IZUMO1: variants seen among roughly 807,000 people sequenced by gnomAD.
The protein encoded by IZUMO1 is izumo sperm-egg fusion protein 1.
A neutral mutation model predicts 40.7 loss-of-function variants in IZUMO1; 44 were observed. That is an observed-to-expected ratio of 1.08 (90% CI 0.85 to 1.39). The LOEUF is 1.39. IZUMO1 is among the 40% of genes most tolerant of loss of function. IZUMO1 has a pLI of 0.00. For synonymous variants in IZUMO1, 149 were observed against 170.9 expected (o/e 0.87, Z 1.00); for missense variants, 368 against 436.9 (o/e 0.84, Z 1.41).
At position 48,745,743 on chromosome 19, in the gene IZUMO1, A is replaced by T. The variant is rs777596270; in HGVS notation, c.117T>A (p.Asp39Glu). The change falls in exon 2 of 10, where the codon GAT becomes GAA. Residue 39 changes from aspartate to glutamate, a missense_variant. Transcript: ENST00000332955. Reference protein sequence around the residue: ...VVLALKSLEKDYLPGHLDAKH... With the variant: ...VVLALKSLEKEYLPGHLDAKH... ...TCGCATCCAGGTGGCCAGGCAGGTA[A>T]TCTTTCTCCAGGGACTTTAGCGCCA... is the stretch of plus-strand genomic sequence containing the variant. 1 of 1,614,144 alleles carries T rather than the reference A, an allele frequency of 6.2e-7. No homozygotes were observed. Among genetic ancestry groups the T allele is most frequent in the African/African-American group, 1.3e-5 (1 of 75,028 alleles).
chr19:48,741,525 C>T lies in IZUMO1; in HGVS notation c.755-47G>A. On this transcript the variant is annotated intron_variant, in intron 8 of 9. Transcript: ENST00000332955. This position sits in a 1 kb window ranked among gnomAD's most constrained non-coding sequence, Gnocchi z 4.4. Reference sequence around the variant, plus strand: ...GCAGTCCTGGCAGGGCGTGGAGTTCCTGCCCTGGCAAAGACAAGCCCGTCC... The same window carrying T: ...GCAGTCCTGGCAGGGCGTGGAGTTCTTGCCCTGGCAAAGACAAGCCCGTCC... 2 of 1,562,194 alleles carry T rather than the reference C, an allele frequency of 1.3e-6. No homozygotes were observed. Among genetic ancestry groups the T allele is most frequent in the Non-Finnish European group, 1.7e-6 (2 of 1,143,102 alleles).
chr19:48,746,422 C>G lies in IZUMO1; in HGVS notation c.-74+13G>C, dbSNP rs1298819416. ...TATCAAACTCGGAACTCCTTCAAAA[C>G]CAAAACACATACCAGATTCCTAGAA... On this transcript the variant is annotated intron_variant, in intron 1 of 9. Transcript: ENST00000332955. 8.1e-6 allele frequency: 8 copies of G among 991,948 alleles called. No homozygotes were observed. The highest frequency in any genetic ancestry group is 9.6e-6 in the Non-Finnish European group (8 of 833,424). The allele number at this position is 991,948 out of a possible 1,614,324, so 61.4% of individuals were successfully genotyped here. A position where few individuals can be genotyped will look rare whatever the true frequency, so the allele number is the denominator to read the frequency against.
rs2033674083 is a variant in IZUMO1 at position 48,741,146 on chromosome 19, C to T, written c.933-118G>A. 6.7e-7 allele frequency: 1 copy of T among 1,500,854 alleles called. No individual in the cohort carries two copies. The highest frequency in any genetic ancestry group is 1.4e-5 in the African/African-American group (1 of 72,566). The allele number at this position is 1,500,854 out of a possible 1,614,324, so 93.0% of individuals were successfully genotyped here. ...TTCTAGCAATTACCTAAGCCTCGCC[C>T]TTCGAAGTCCTCCTATTCAAGCCCC... On this transcript the variant is annotated intron_variant, in intron 9 of 9. Coordinates refer to ENST00000332955, the MANE Select transcript of IZUMO1 (RefSeq NM_182575.3). The surrounding 1 kb of genome is among the most constrained non-coding windows in gnomAD (Gnocchi z 4.4).
chr19:48,745,509 T>C, intron 2 of IZUMO1, 116 bp downstream of exon 2: 2 of 1,295,330 alleles, frequency 1.5e-6, no homozygotes, highest in Non-Finnish European at 2.2e-6. Context: ...GGAATCTGCA[T>C]CTCAGCCTTC....
chr19:48,742,725 CTTTTTTTTT>C (rs34894807), intron 6 of IZUMO1, among the ~76,000 whole-genome samples: 168 of 93,484 alleles, frequency 1.8e-3, no homozygotes, highest in African/African-American at 6.0e-3. Context: ...TTCTCTCTCT[CTTTTTTTTT>C]TTTTTTTTTT....
At chr19:48,745,323 T>C in intron 2 of IZUMO1, 35 bp from the exon 3 acceptor site, 1 of 1,568,828 alleles carries the variant, frequency 6.4e-7, no homozygotes, top group Non-Finnish European at 8.8e-7. Flanking sequence ...ATTCCAGCCT[T>C]ACTGTCTCAT....
chr19:48,743,815 A>AC (rs1195341419), intron 5 of IZUMO1: 6 of 491,938 alleles, frequency 1.2e-5, no homozygotes, highest in East Asian at 7.6e-5. Context: ...ACATGGTGAA[A>AC]CCCCGTCTCT....
intron 3 of IZUMO1, among the ~76,000 whole-genome samples, chr19:48,744,848 A>G (rs535635785): frequency 6.6e-6 from 1 of 152,156 alleles, no homozygotes; most frequent in South Asian, 2.1e-4. Flanking sequence ...CACCATGCCC[A>G]GCTAATATGT....
intron 2 of IZUMO1, 105 bp from the exon 3 acceptor site, chr19:48,745,393 G>A (rs756828052): frequency 2.7e-6 from 3 of 1,127,112 alleles, no homozygotes; most frequent in South Asian, 1.3e-5. Flanking sequence ...AGATAGGCCT[G>A]GTTAAGGACT....
At position 48,744,209 on chromosome 19, in the gene IZUMO1, G is replaced by C. The variant is rs763408499; in HGVS notation, c.398-14C>G. The stretch of plus-strand genomic sequence containing the variant: ...TGGGACAATAAGCTGTGTCAAAAGA[G>C]AAAAAAAGAGAGCAAGAAAGAGATG... On this transcript the variant is annotated splice_polypyrimidine_tract_variant and intron_variant, in intron 4 of 9. Coordinates refer to ENST00000332955, the MANE Select transcript of IZUMO1 (RefSeq NM_182575.3). 8.1e-6 allele frequency: 13 copies of C among 1,611,338 alleles called. No homozygotes were observed. The Admixed American group carries it at 2.2e-4, about 27-fold the overall frequency.
At position 48,742,307 on chromosome 19, in the gene IZUMO1, G is replaced by T; in HGVS notation, c.502C>A (p.Arg168=). Residue 168 remains arginine, a splice_region_variant and synonymous_variant, in exon 7 of 10, where the codon CGG becomes AGG. Transcript: ENST00000332955. ...ACRKSYDCGE[R]NVEVPQMEDM... ...TCCATTTGAGGAACTTCCACATTCC[G>T]CTCTGGGGGTGGGGGATGACCATGG... 1.9e-6 allele frequency: 3 copies of T among 1,609,190 alleles called. No homozygotes were observed. Among genetic ancestry groups the T allele is most frequent in the Non-Finnish European group, 2.6e-6 (3 of 1,175,542 alleles).
Position 48,741,259 on chromosome 19 carries a change from C to G in IZUMO1, c.932+42G>C. 1 of 1,535,754 alleles carries G rather than the reference C, an allele frequency of 6.5e-7. No homozygotes were observed. Among genetic ancestry groups the G allele is most frequent in the African/African-American group, 1.4e-5 (1 of 73,348 alleles). ...TGTTGGGTTCCTGGAAGCCCCGCCCCTTACTCCAAGCCAAGCCTGTCTTCT... is the reference window on the plus strand; with the variant it reads ...TGTTGGGTTCCTGGAAGCCCCGCCCGTTACTCCAAGCCAAGCCTGTCTTCT... On this transcript the variant is annotated intron_variant, in intron 9 of 9. Transcript: ENST00000332955. The surrounding 1 kb of genome is among the most constrained non-coding windows in gnomAD (Gnocchi z 4.4).
At chr19:48,746,239 G>A (rs997648138) in intron 1 of IZUMO1, 196 bp downstream of exon 1, 2 of 1,061,458 alleles carry the variant, frequency 1.9e-6, no homozygotes, top group African/African-American at 3.3e-5. Context: ...CCAAACTGTG[G>A]AATTTTCCAA....
In IZUMO1 at chr19:48,741,604, C is replaced by T. The variant is rs941641281; in HGVS notation, c.755-126G>A. On this transcript the variant is annotated intron_variant, in intron 8 of 9. Coordinates refer to ENST00000332955, the MANE Select transcript of IZUMO1 (RefSeq NM_182575.3). The surrounding 1 kb of genome is among the most constrained non-coding windows in gnomAD (Gnocchi z 4.4). ...CGCCTTCAACAGTGTCAAGCCTGAA[C>T]ACACCCAAGGGAACCCCTGTCCTCG... The T allele has an allele frequency of 7.7e-7, 1 of 1,292,992 alleles. No homozygotes were observed. The highest frequency in any genetic ancestry group is 1.1e-6 in the Non-Finnish European group (1 of 937,878). 80.1% of individuals were successfully genotyped at this position (1,292,992 alleles called of 1,614,324 possible).
Position 48,741,177 on chromosome 19 carries a change from C to CTCCA in IZUMO1, c.932+120_932+123dup, listed in dbSNP as rs2033675536. 7 of 1,436,436 alleles carry CTCCA rather than the reference C, an allele frequency of 4.9e-6. No homozygotes were observed. In the East Asian group the frequency reaches 1.2e-4, roughly 24 times the overall value. The allele number at this position is 1,436,436 out of a possible 1,614,324, so 89.0% of individuals were successfully genotyped here. On this transcript the variant is annotated intron_variant, in intron 9 of 9. Transcript: ENST00000332955. The surrounding 1 kb of genome is among the most constrained non-coding windows in gnomAD (Gnocchi z 4.4). ...AGTCCTCCTATTCAAGCCCCCCGCA[C>CTCCA]TCCATCCCCAGGAAAGTCCTGCTCT...
rs368906261 is a variant in IZUMO1 at position 48,745,227 on chromosome 19, G to A, written c.297C>T (p.Asp99=). 2.4e-5 allele frequency: 38 copies of A among 1,613,824 alleles called. No homozygotes were observed. The highest frequency in any genetic ancestry group is 3.1e-5 in the Non-Finnish European group (37 of 1,179,796). ...TGATGCATTTACCTTTTACATCACT[G>A]TCTGTGATGCGTTTCAGATCCTTCA... is the stretch of plus-strand genomic sequence containing the variant. ...SLLKDLKRIT[D]SDVKGDLFVK... Residue 99 remains aspartate (D), a synonymous_variant, in exon 3 of 10, where the codon GAC becomes GAT. Coordinates refer to ENST00000332955, the MANE Select transcript of IZUMO1 (RefSeq NM_182575.3).
chr19:48,741,289 T>C lies in IZUMO1; in HGVS notation c.932+12A>G. ...TCCAAGCCAAGCCTGTCTTCTTCAA[T>C]GGGTTGCTTACGCAAAGGTAAGGCC... On this transcript the variant is annotated intron_variant, in intron 9 of 9. Transcript: ENST00000332955. The surrounding 1 kb of genome is among the most constrained non-coding windows in gnomAD (Gnocchi z 4.4). 6.3e-7 allele frequency: 1 copy of C among 1,578,048 alleles called. No individual in the cohort carries two copies. The highest frequency in any genetic ancestry group is 1.1e-5 in the South Asian group (1 of 89,676).
In IZUMO1 at chr19:48,741,506, C is replaced by T; in HGVS notation, c.755-28G>A. The T allele has an allele frequency of 6.3e-7, 1 of 1,587,438 alleles. No individual in the cohort carries two copies. Among genetic ancestry groups the T allele is most frequent in the Non-Finnish European group, 8.6e-7 (1 of 1,160,338 alleles). ...GTTAGAGAAAGCGTAAAGAGCAGTC[C>T]TGGCAGGGCGTGGAGTTCCTGCCCT... On this transcript the variant is annotated intron_variant, in intron 8 of 9. Transcript: ENST00000332955. The surrounding 1 kb of genome is among the most constrained non-coding windows in gnomAD (Gnocchi z 4.4).
intron 6 of IZUMO1, among the ~76,000 whole-genome samples, chr19:48,742,725 CTTTTTTTTTT>C (rs34894807): frequency 2.1e-5 from 2 of 93,484 alleles, no homozygotes; most frequent in Non-Finnish European, 1.9e-5. Context: ...TTCTCTCTCT[CTTTTTTTTTT>C]TTTTTTTTTT....
Sources: allele counts gnomAD v4.1 joint callset (sites outside exome capture counted in the v4.1 genomes callset), GRCh38; gene constraint gnomAD v4.1.1; non-coding constraint Gnocchi (gnomAD v3.1); transcripts MANE v1.5; gene names NCBI Gene and HGNC (gene_info 2026-07-23, HGNC 2026-07-21).